Variants in GK5 observed in about 807,000 individuals in gnomAD.
GK5 encodes the protein ATP:glycerol 3-phosphotransferase 5.
In GK5, 39 loss-of-function variants were observed where a neutral mutation model predicts 77.3. The ratio of observed to expected loss-of-function variants is 0.50; its 90% CI spans 0.39 to 0.66. The LOEUF is 0.66. Ranked by LOEUF, GK5 falls within the 30% of genes least tolerant of loss-of-function variation. The pLI, the probability that GK5 is intolerant of heterozygous loss-of-function variation, is 0.00. For synonymous variants in GK5, 211 were observed against 208.0 expected (o/e 1.01, Z -0.13); for missense variants, 487 against 633.8 (o/e 0.77, Z 2.49).
At chr3:142,209,343 G>A (rs2064159812) in intron 3 of GK5, among the ~76,000 whole-genome samples, 1 of 152,182 alleles carries the variant, frequency 6.6e-6, no homozygotes, top group African/African-American at 2.4e-5. Flanking sequence ...GCGTGTCTTA[G>A]AGGAACTGAA....
intron 1 of GK5, among the ~76,000 whole-genome samples, chr3:142,222,587 T>C (rs949600717): frequency 1.3e-5 from 2 of 151,842 alleles, no homozygotes; most frequent in Admixed American, 6.6e-5. Context: ...ATTATATTCA[T>C]TGTGGACCAG....
chr3:142,220,318 G>A (rs1292218954), intron 1 of GK5, among the ~76,000 whole-genome samples: 1 of 152,140 alleles, frequency 6.6e-6, no homozygotes, highest in Non-Finnish European at 1.5e-5. Context: ...TGTATTTTTA[G>A]TAGAGACGGG....
At chr3:142,201,419 T>A (rs2064019644) in intron 4 of GK5, among the ~76,000 whole-genome samples, 1 of 152,200 alleles carries the variant, frequency 6.6e-6, no homozygotes, top group Admixed American at 6.5e-5. Flanking sequence ...GTATATAACA[T>A]TTTTCAAATT....
chr3:142,216,003 TA>T (rs1007207211), intron 1 of GK5, among the ~76,000 whole-genome samples: 1 of 152,158 alleles, frequency 6.6e-6, no homozygotes, highest in Non-Finnish European at 1.5e-5. Flanking sequence ...AAATAAATTT[TA>T]AAAAAAGTGA....
chr3:142,162,925 G>A lies in GK5; in HGVS notation c.*2697C>T, dbSNP rs943030974. On this transcript the variant is annotated 3_prime_UTR_variant, in exon 16 of 16. Transcript: ENST00000392993. ...GCAGGAGGACTGCTTGAGCCCAGGA[G>A]AGGGAGGTTGCAGTGAGCCGAGATC... 3.3e-5 allele frequency: 5 copies of A among 151,154 alleles called. No homozygotes were observed. Among genetic ancestry groups the A allele is most frequent in the African/African-American group, 4.9e-5 (2 of 41,092 alleles). 9.4% of individuals were successfully genotyped at this position (151,154 alleles called of 1,614,324 possible).
intron 12 of GK5, among the ~76,000 whole-genome samples, chr3:142,177,183 T>A (rs1338555132): frequency 6.6e-6 from 1 of 152,144 alleles, no homozygotes; most frequent in East Asian, 1.9e-4. Context: ...TAATGCTAAG[T>A]CTTATGTAAA....
Position 142,172,462 on chromosome 3 carries a change from G to GT in GK5, c.1144-7dup, listed in dbSNP as rs1560210319. The GT allele has an allele frequency of 1.4e-6, 2 of 1,478,456 alleles. No homozygotes were observed. Among genetic ancestry groups the GT allele is most frequent in the East Asian group, 4.5e-5 (2 of 44,058 alleles). The allele number at this position is 1,478,456 out of a possible 1,614,324, so 91.6% of individuals were successfully genotyped here. ...CAGGGGTCATTTAATGGAGCCTACA[G>GT]TAAGAGATAACAAGAATATATTATT... On this transcript the variant is annotated splice_region_variant and splice_polypyrimidine_tract_variant and intron_variant, in intron 12 of 15. Transcript: ENST00000392993.
intron 1 of GK5, among the ~76,000 whole-genome samples, chr3:142,215,982 TA>T (rs1426580996): frequency 6.6e-6 from 1 of 152,132 alleles, no homozygotes; most frequent in Admixed American, 6.5e-5. Flanking sequence ...AAAAGGCTTT[TA>T]AAAAATTAAA....
chr3:142,209,284 A>G (rs926686484), intron 3 of GK5, among the ~76,000 whole-genome samples: 1 of 152,216 alleles, frequency 6.6e-6, no homozygotes, highest in African/African-American at 2.4e-5. Context: ...AAGTATGAAC[A>G]TTCCCAACAA....
intron 1 of GK5, among the ~76,000 whole-genome samples, chr3:142,221,242 A>C (rs1452487831): frequency 6.6e-6 from 1 of 152,260 alleles, no homozygotes; most frequent in East Asian, 1.9e-4. Flanking sequence ...AACACAATCT[A>C]TTCTCCTTCT....
chr3:142,220,877 A>G (rs892045613), intron 1 of GK5, among the ~76,000 whole-genome samples: 3 of 152,210 alleles, frequency 2.0e-5, no homozygotes, highest in Non-Finnish European at 4.4e-5. Flanking sequence ...GGACTGGTTC[A>G]AAGTCTTTAT....
At chr3:142,184,180 G>A (rs1027251728) in intron 9 of GK5, among the ~76,000 whole-genome samples, 21 of 143,816 alleles carry the variant, frequency 1.5e-4, no homozygotes, top group African/African-American at 5.4e-4. Context: ...AGAATGGCAT[G>A]AGCCTGGAAG....
intron 3 of GK5, among the ~76,000 whole-genome samples, chr3:142,205,157 T>C (rs1454475339): frequency 6.6e-6 from 1 of 152,236 alleles, no homozygotes; most frequent in African/African-American, 2.4e-5. Flanking sequence ...AGCTGAAATA[T>C]TGCCTGAGCC....
chr3:142,175,711 T>C (rs1231695986), intron 12 of GK5, among the ~76,000 whole-genome samples: 1 of 152,120 alleles, frequency 6.6e-6, no homozygotes, highest in Non-Finnish European at 1.5e-5. Context: ...TGCCAGTATA[T>C]GGGCAGGTTG....
intron 1 of GK5, among the ~76,000 whole-genome samples, chr3:142,222,975 G>A (rs2064373701): frequency 6.6e-6 from 1 of 152,184 alleles, no homozygotes; most frequent in Admixed American, 6.5e-5. Flanking sequence ...ACCACACAGA[G>A]AGGCATTGCT....
intron 9 of GK5, chr3:142,184,779 T>A: frequency 1.2e-6 from 1 of 809,230 alleles, no homozygotes; most frequent in Non-Finnish European, 1.5e-6. Context: ...GAGGTCACAG[T>A]GAGCCATCGG....
rs1235146807 is a variant in GK5 at position 142,165,456 on chromosome 3, A to C, written c.*166T>G. The C allele has an allele frequency of 4.2e-6, 2 of 479,478 alleles. No individual in the cohort carries two copies. The highest frequency in any genetic ancestry group is 7.2e-6 in the Non-Finnish European group (2 of 279,310). 29.7% of individuals were successfully genotyped at this position (479,478 alleles called of 1,614,324 possible). A position where few individuals can be genotyped will look rare whatever the true frequency, so the allele number is the denominator to read the frequency against. On this transcript the variant is annotated 3_prime_UTR_variant, in exon 16 of 16. Transcript: ENST00000392993. The stretch of plus-strand genomic sequence containing the variant: ...CCATGGTTTAGGGGAAAAAAATAAG[A>C]GTTTTTTGTTCCGTTTTGTTTTTTT...
chr3:142,176,670 T>C (rs1364233834), intron 12 of GK5, among the ~76,000 whole-genome samples: 2 of 140,216 alleles, frequency 1.4e-5, no homozygotes, highest in Admixed American at 7.0e-5. Flanking sequence ...TTTTTTTTTT[T>C]TTTTTTTTTT....
intron 15 of GK5, among the ~76,000 whole-genome samples, chr3:142,169,129 C>T (rs935230238): frequency 6.6e-6 from 1 of 152,196 alleles, no homozygotes; most frequent in African/African-American, 2.4e-5. Flanking sequence ...TTATTGCCAG[C>T]AGTGATTGTC....
Sources: allele counts gnomAD v4.1 joint callset (sites outside exome capture counted in the v4.1 genomes callset), GRCh38; gene constraint gnomAD v4.1.1; transcripts MANE v1.5; gene names NCBI Gene and HGNC (gene_info 2026-07-23, HGNC 2026-07-21).